The following IQCM variants were observed in gnomAD, a reference collection of about 807,000 sequenced individuals.
IQCM encodes the protein IQ domain-containing protein M.
Under a neutral mutation model 57.6 loss-of-function variants are expected in IQCM, and 45 were observed. That is an observed-to-expected ratio of 0.78 (90% CI 0.62 to 1.00). IQCM has a LOEUF of 1.00. Among genes scored for constraint, IQCM ranks in the 50% least tolerant of loss-of-function variants. IQCM has a pLI of 0.00. For synonymous variants in IQCM, 148 were observed against 158.9 expected (o/e 0.93, Z 0.51); for missense variants, 468 against 511.6 (o/e 0.91, Z 0.82).
chr4:149,713,552 G>T (rs537632119), intron 5 of IQCM, among the ~76,000 whole-genome samples: 5 of 152,124 alleles, frequency 3.3e-5, no homozygotes, highest in African/African-American at 9.6e-5. Context: ...TCACTCTCCC[G>T]TCTGTATTTC....
intron 8 of IQCM, among the ~76,000 whole-genome samples, chr4:149,611,617 T>C (rs1714625851): frequency 6.6e-6 from 1 of 152,112 alleles, no homozygotes; most frequent in African/African-American, 2.4e-5. Flanking sequence ...CACTCACATA[T>C]GGGAGCTAAA....
chr4:149,647,519 A>G (rs377250623), intron 7 of IQCM, among the ~76,000 whole-genome samples: 3 of 152,054 alleles, frequency 2.0e-5, no homozygotes, highest in Non-Finnish European at 4.4e-5. Flanking sequence ...TTATTCCACT[A>G]TCTTCAGGCT....
chr4:149,388,751 AAT>A (rs1216170604), intron 13 of IQCM, among the ~76,000 whole-genome samples: 2 of 145,354 alleles, frequency 1.4e-5, no homozygotes, highest in African/African-American at 5.0e-5. Context: ...TGACATATAT[AAT>A]ATATATATGA....
intron 12 of IQCM, among the ~76,000 whole-genome samples, chr4:149,452,069 A>T (rs1737178087): frequency 1.3e-5 from 2 of 151,844 alleles, no homozygotes; most frequent in Admixed American, 1.3e-4. Flanking sequence ...TATATGTGCA[A>T]TAAAAATCAG....
At chr4:149,632,493 T>C (rs1757353480) in intron 7 of IQCM, among the ~76,000 whole-genome samples, 2 of 152,170 alleles carry the variant, frequency 1.3e-5, no homozygotes, top group Non-Finnish European at 1.5e-5. Flanking sequence ...GTTATTTTCA[T>C]CTGTTTTTGA....
At chr4:149,573,165 A>G (rs1751323524) in intron 9 of IQCM, among the ~76,000 whole-genome samples, 1 of 151,716 alleles carries the variant, frequency 6.6e-6, no homozygotes, top group Non-Finnish European at 1.5e-5. Context: ...TTGTCATTTC[A>G]AAAATTGATA....
intron 9 of IQCM, among the ~76,000 whole-genome samples, chr4:149,580,193 A>C (rs1752047281): frequency 6.6e-6 from 1 of 151,860 alleles, no homozygotes. Context: ...ACTTCTTTTA[A>C]TTAGTTAAAT....
intron 7 of IQCM, among the ~76,000 whole-genome samples, chr4:149,666,669 A>G (rs576416374): frequency 7.2e-5 from 11 of 152,256 alleles, no homozygotes; most frequent in African/African-American, 2.6e-4. Flanking sequence ...ACAAGCTAAG[A>G]TACACTGGCT....
chr4:149,491,168 T>C (rs1742054073), intron 12 of IQCM, among the ~76,000 whole-genome samples: 1 of 152,104 alleles, frequency 6.6e-6, no homozygotes, highest in Admixed American at 6.6e-5. Context: ...TAACTCTTTT[T>C]TTTAATTGAC....
Position 149,815,645 on chromosome 4 carries a change from C to T in IQCM, c.-132G>A, listed in dbSNP as rs977028795. 2 of 151,928 alleles carry T rather than the reference C, an allele frequency of 1.3e-5. No homozygotes were observed. The highest frequency in any genetic ancestry group is 4.8e-5 in the African/African-American group (2 of 41,406). The allele number at this position is 151,928 out of a possible 1,614,324, so 9.4% of individuals were successfully genotyped here. On this transcript the variant is annotated 5_prime_UTR_variant, in exon 1 of 14. Coordinates refer to ENST00000636793, the MANE Select transcript of IQCM (RefSeq NM_001363507.2). ...AAAACTTCTAGAAACAAATTCACTG[C>T]CCCAAAATCATAATAATCTCAGTTG...
At chr4:149,509,873 A>G (rs1744221507) in intron 12 of IQCM, among the ~76,000 whole-genome samples, 1 of 151,928 alleles carries the variant, frequency 6.6e-6, no homozygotes, top group South Asian at 2.1e-4. Flanking sequence ...CAATGTACTC[A>G]CCTGTTTTTC....
intron 7 of IQCM, among the ~76,000 whole-genome samples, chr4:149,665,743 T>G (rs562791881): frequency 7.9e-5 from 12 of 152,222 alleles, no homozygotes; most frequent in Non-Finnish European, 1.6e-4. Context: ...GGAACTGTAT[T>G]TAGACAATGT....
chr4:149,811,364 C>T (rs1774553189), intron 2 of IQCM, among the ~76,000 whole-genome samples: 1 of 152,126 alleles, frequency 6.6e-6, no homozygotes, highest in African/African-American at 2.4e-5. Context: ...ATAACATATA[C>T]ATAGTACTGT....
At chr4:149,472,867 T>A (rs1217530730) in intron 12 of IQCM, among the ~76,000 whole-genome samples, 2 of 151,896 alleles carry the variant, frequency 1.3e-5, no homozygotes, top group Non-Finnish European at 2.9e-5. Flanking sequence ...AAAAAAGAAA[T>A]GGAGAAAGGA....
intron 9 of IQCM, among the ~76,000 whole-genome samples, chr4:149,583,222 G>T (rs1752368554): frequency 1.3e-5 from 2 of 151,444 alleles, no homozygotes; most frequent in Non-Finnish European, 3.0e-5. Context: ...AATAATATTT[G>T]AAATTCTAAA....
intron 5 of IQCM, among the ~76,000 whole-genome samples, chr4:149,717,694 G>A (rs1453734199): frequency 6.6e-6 from 1 of 152,138 alleles, no homozygotes; most frequent in African/African-American, 2.4e-5. Flanking sequence ...AATGGGTGAG[G>A]TTGACCAACT....
At position 149,815,659 on chromosome 4, in the gene IQCM, T is replaced by C. The variant is rs1366570317; in HGVS notation, c.-146A>G. 1 of 152,014 alleles carries C rather than the reference T, an allele frequency of 6.6e-6. No homozygotes were observed. Among genetic ancestry groups the C allele is most frequent in the Non-Finnish European group, 1.5e-5 (1 of 67,912 alleles). 9.4% of individuals were successfully genotyped at this position (152,014 alleles called of 1,614,324 possible). A position where few individuals can be genotyped will look rare whatever the true frequency, so the allele number is the denominator to read the frequency against. The stretch of plus-strand genomic sequence containing the variant: ...CAAATTCACTGCCCCAAAATCATAA[T>C]AATCTCAGTTGCTTCACAGCATAGA... On this transcript the variant is annotated 5_prime_UTR_variant, in exon 1 of 14. Transcript: ENST00000636793.
intron 13 of IQCM, among the ~76,000 whole-genome samples, chr4:149,388,626 T>C (rs1006165182): frequency 7.7e-5 from 11 of 142,314 alleles, no homozygotes; most frequent in Non-Finnish European, 1.2e-4. Context: ...AATATATATA[T>C]ACACATATAT....
At chr4:149,411,784 A>G (rs1733397156) in intron 13 of IQCM, among the ~76,000 whole-genome samples, 1 of 152,186 alleles carries the variant, frequency 6.6e-6, no homozygotes, top group Non-Finnish European at 1.5e-5. Flanking sequence ...TACATTATTC[A>G]ATCAACACAA....
Sources: allele counts gnomAD v4.1 joint callset (sites outside exome capture counted in the v4.1 genomes callset), GRCh38; gene constraint gnomAD v4.1.1; transcripts MANE v1.5; gene names NCBI Gene and HGNC (gene_info 2026-07-23, HGNC 2026-07-21).